WDPCP: variants seen among roughly 807,000 people sequenced by gnomAD.
WDPCP encodes the protein WD repeat containing planar cell polarity effector.
A neutral mutation model predicts 93.1 loss-of-function variants in WDPCP; 71 were observed. The observed-to-expected ratio is 0.76, with a 90% CI of 0.63 to 0.93. WDPCP has a LOEUF of 0.93. WDPCP is among the 40% of genes least tolerant of loss of function. The pLI is 0.00. For synonymous variants in WDPCP, 315 were observed against 315.0 expected, an observed-to-expected ratio of 1.00 and a Z score of 0.00; for missense variants, 844 against 887.4, an observed-to-expected ratio of 0.95 and a Z score of 0.62.
chr2:63,152,542 G>A (rs1671957409), intron 17 of WDPCP, among the ~76,000 whole-genome samples: 3 of 152,100 alleles, frequency 2.0e-5, no homozygotes, highest in Admixed American at 2.0e-4. Flanking sequence ...AAAATGCTGG[G>A]ATTACAGGCA....
At chr2:63,275,492 G>A (rs1049097163) in intron 13 of WDPCP, among the ~76,000 whole-genome samples, 7 of 152,026 alleles carry the variant, frequency 4.6e-5, no homozygotes, top group African/African-American at 9.7e-5. Context: ...ATTTGCAGAC[G>A]GCATGATCTT....
intron 6 of WDPCP, among the ~76,000 whole-genome samples, chr2:63,468,404 T>C (rs1244649240): frequency 6.6e-6 from 1 of 152,206 alleles, no homozygotes; most frequent in East Asian, 1.9e-4. Flanking sequence ...CAGAGAATAC[T>C]TGGAATTAAA....
intron 14 of WDPCP, among the ~76,000 whole-genome samples, chr2:63,236,787 T>A (rs1453762466): frequency 2.0e-5 from 3 of 152,138 alleles, no homozygotes; most frequent in Non-Finnish European, 2.9e-5. Context: ...TGCAGAAGAA[T>A]GAAGCTGGAC....
chr2:63,730,874 A>C (rs1227611228), intron 2 of WDPCP, among the ~76,000 whole-genome samples: 1 of 152,188 alleles, frequency 6.6e-6, no homozygotes, highest in South Asian at 2.1e-4. Context: ...AATCTTTAGA[A>C]AGTTGGCTGG....
intron 2 of WDPCP, among the ~76,000 whole-genome samples, chr2:63,725,489 T>G (rs949365894): frequency 5.3e-5 from 8 of 152,200 alleles, no homozygotes; most frequent in African/African-American, 1.7e-4. Flanking sequence ...CTATTGTGAA[T>G]AGTGCTGCAA....
At chr2:63,837,149 T>C in the WDPCP span, among the ~76,000 whole-genome samples, 1 of 152,246 alleles carries the variant, frequency 6.6e-6, no homozygotes, top group Non-Finnish European at 1.5e-5. Context: ...TAACAGGGTG[T>C]TGGCAACAGG....
At chr2:63,142,372 C>A (rs1671125959) in intron 17 of WDPCP, among the ~76,000 whole-genome samples, 1 of 151,994 alleles carries the variant, frequency 6.6e-6, no homozygotes, top group Non-Finnish European at 1.5e-5. Context: ...TTTTAATTTC[C>A]ATCTTGATTT....
intron 1 of WDPCP, among the ~76,000 whole-genome samples, chr2:63,572,478 G>A (rs374894469): frequency 2.0e-5 from 3 of 151,822 alleles, no homozygotes; most frequent in African/African-American, 4.8e-5. Flanking sequence ...CAAGGTGGGC[G>A]GATCACCTGA....
Position 63,398,126 on chromosome 2 carries a change from G to C in WDPCP, c.1435+5922C>G, listed in dbSNP as rs138009477. ...AGAGGGAAAGATTCATGTGCATATT[G>C]ATAAGTGGTTGAGTGGGGGCGTCGT... On this transcript the variant is annotated intron_variant, in intron 10 of 17. Coordinates refer to ENST00000272321, the MANE Select transcript of WDPCP (RefSeq NM_015910.7). Among the ~76,000 whole-genome samples the C allele has an allele frequency of 3.3e-5, 5 of 152,216 alleles. No individual in the cohort carries two copies. In the East Asian group the frequency reaches 9.7e-4, roughly 29 times the overall value.
chr2:63,618,014 CTGTT>C (rs1419771547), intron 3 of WDPCP, among the ~76,000 whole-genome samples: 1 of 152,088 alleles, frequency 6.6e-6, no homozygotes, highest in Non-Finnish European at 1.5e-5. Context: ...TTTATCTGTA[CTGTT>C]TGTTTTCTCT....
chr2:63,758,353 A>G (rs2103905588), intron 2 of WDPCP, among the ~76,000 whole-genome samples: 1 of 152,178 alleles, frequency 6.6e-6, no homozygotes, highest in Non-Finnish European at 1.5e-5. Context: ...GCCTCAATGA[A>G]AGTTTACCAA....
intron 2 of WDPCP, among the ~76,000 whole-genome samples, chr2:63,666,024 A>G (rs262525): frequency 0.8 from 122,135 of 152,216 alleles, 49,431 homozygotes; most frequent in East Asian, 0.98. Context: ...ATGTGGTGGT[A>G]TTGCCATAGT....
intron 13 of WDPCP, among the ~76,000 whole-genome samples, chr2:63,306,910 A>G (rs532676838): frequency 6.6e-6 from 1 of 152,318 alleles, no homozygotes; most frequent in African/African-American, 2.4e-5. Context: ...GGCAAGAGAA[A>G]GAAATAAAGG....
chr2:63,754,775 T>G (rs1285813947), intron 2 of WDPCP, among the ~76,000 whole-genome samples: 1 of 152,214 alleles, frequency 6.6e-6, no homozygotes, highest in East Asian at 1.9e-4. Flanking sequence ...GCCATCCAGC[T>G]GACTGGGTGT....
chr2:63,528,219 A>C (rs1273387393), intron 1 of WDPCP, among the ~76,000 whole-genome samples: 1 of 152,146 alleles, frequency 6.6e-6, no homozygotes, highest in Non-Finnish European at 1.5e-5. Flanking sequence ...TCTTTAGTTT[A>C]ATTAGATCCC....
At chr2:63,168,840 C>A (rs1182913282) in intron 15 of WDPCP, 1 of 152,316 alleles carries the variant, frequency 6.6e-6, no homozygotes, top group East Asian at 1.9e-4. Context: ...CACAGTGAGA[C>A]TCCGTCTCTT....
At chr2:63,615,887 CA>C (rs1004823587) in intron 3 of WDPCP, among the ~76,000 whole-genome samples, 1 of 152,162 alleles carries the variant, frequency 6.6e-6, no homozygotes, top group Non-Finnish European at 1.5e-5. Flanking sequence ...CTCGTTTCAC[CA>C]TAGAGCTAAA....
chr2:63,338,569 A>AATATATATAT (rs1159039677), intron 12 of WDPCP, among the ~76,000 whole-genome samples: 2 of 14,482 alleles, frequency 1.4e-4, no homozygotes, highest in African/African-American at 6.1e-4. Flanking sequence ...AAAAAAAAAA[A>AATATATATAT]ATATATATAT....
intron 2 of WDPCP, among the ~76,000 whole-genome samples, chr2:63,744,628 A>C (rs1367789059): frequency 1.3e-5 from 2 of 152,166 alleles, no homozygotes; most frequent in Non-Finnish European, 2.9e-5. Flanking sequence ...AAAGAAAAGC[A>C]GCTTACATCC....
Sources: allele counts gnomAD v4.1 joint callset (sites outside exome capture counted in the v4.1 genomes callset), GRCh38; gene constraint gnomAD v4.1.1; transcripts MANE v1.5; gene names NCBI Gene and HGNC (gene_info 2026-07-23, HGNC 2026-07-21).